SYT13: variants seen among roughly 807,000 people sequenced by gnomAD.
SYT13 encodes the protein synaptotagmin 13, also known as synaptotagmin-13.
A neutral mutation model predicts 38.6 loss-of-function variants in SYT13; 21 were observed. That is an observed-to-expected ratio of 0.54 (90% CI 0.39 to 0.78). The LOEUF is 0.78. SYT13 is among the 30% of genes least tolerant of loss of function. The pLI, the probability that SYT13 is intolerant of heterozygous loss-of-function variation, is 0.00. For missense variants in SYT13, 495 were observed against 548.7 expected (o/e 0.90, Z 0.98); for synonymous variants, 241 against 237.6 (o/e 1.01, Z -0.13).
chr11:45,264,047 G>A (rs1022626745), intron 1 of SYT13, among the ~76,000 whole-genome samples: 3 of 152,180 alleles, frequency 2.0e-5, no homozygotes, highest in Non-Finnish European at 2.9e-5. Context: ...TTGTGTGTAG[G>A]GACCAGTTGA....
At position 45,272,600 on chromosome 11, in the gene SYT13, G is replaced by T. The variant is rs530678748; in HGVS notation, c.183+13425C>A. Among the ~76,000 whole-genome samples the T allele has an allele frequency of 2.0e-5, 3 of 152,318 alleles. No homozygotes were observed. In the South Asian group the frequency reaches 6.2e-4, roughly 32 times the overall value. Reference sequence around the variant, plus strand: ...TTTTAAATGAGATGCAAACCTAATAGATTTCCTTCTGTGTTACATGGGCTG... The same window carrying T: ...TTTTAAATGAGATGCAAACCTAATATATTTCCTTCTGTGTTACATGGGCTG... On this transcript the variant is annotated intron_variant, in intron 1 of 5. Transcript: ENST00000020926.
At chr11:45,244,400 A>G in intron 5 of SYT13, 44 bp from the exon 6 acceptor site, 1 of 1,578,244 alleles carries the variant, frequency 6.3e-7, no homozygotes, top group Admixed American at 1.7e-5. Flanking sequence ...AGAAGGGACA[A>G]GAGTGAGTTT....
intron 1 of SYT13, among the ~76,000 whole-genome samples, chr11:45,259,546 C>T (rs1249736903): frequency 1.3e-5 from 2 of 152,104 alleles, no homozygotes; most frequent in Admixed American, 6.5e-5. Flanking sequence ...GCTTAAAATG[C>T]ACCCCTAGAG....
chr11:45,268,752 CA>C (rs1854914903), intron 1 of SYT13, among the ~76,000 whole-genome samples: 1 of 152,184 alleles, frequency 6.6e-6, no homozygotes, highest in Non-Finnish European at 1.5e-5. Flanking sequence ...GGTCTGTTGT[CA>C]TTCCCAGGTC....
At chr11:45,273,720 A>G (rs1854977253) in intron 1 of SYT13, among the ~76,000 whole-genome samples, 1 of 152,236 alleles carries the variant, frequency 6.6e-6, no homozygotes, top group Non-Finnish European at 1.5e-5. Context: ...GGTATGCAAG[A>G]CATATTTATT....
At chr11:45,275,233 C>A (rs78115491) in intron 1 of SYT13, among the ~76,000 whole-genome samples, 38 of 152,140 alleles carry the variant, frequency 2.5e-4, no homozygotes, top group Admixed American at 5.2e-4. Flanking sequence ...GCTCAACTTT[C>A]TGTGACAGAA....
chr11:45,262,721 T>TCACACACACACA (rs71451610), intron 1 of SYT13, among the ~76,000 whole-genome samples: 30 of 78,266 alleles, frequency 3.8e-4, no homozygotes, highest in Non-Finnish European at 8.2e-4. Flanking sequence ...GGAGATCCTA[T>TCACACACACACA]CACACACACA....
At chr11:45,268,292 G>A (rs576442521) in intron 1 of SYT13, among the ~76,000 whole-genome samples, 1 of 152,068 alleles carries the variant, frequency 6.6e-6, no homozygotes, top group East Asian at 1.9e-4. Context: ...CATTTCCAGT[G>A]GGGTAGACAG....
chr11:45,248,532 A>G lies in SYT13; in HGVS notation c.847-2020T>C, dbSNP rs143342992. Among the ~76,000 whole-genome samples, 882 of 152,322 alleles carry G rather than the reference A, an allele frequency of 5.8e-3. 14 individuals are homozygous for G. The highest frequency in any genetic ancestry group is 0.02 in the African/African-American group (846 of 41,564). ...GGAAAGGAGGTCCAGTCTGACAGCA[A>G]AACTTAAGTCCTGAATCCATGGCTC... On this transcript the variant is annotated intron_variant, in intron 4 of 5. Coordinates refer to ENST00000020926, the MANE Select transcript of SYT13 (RefSeq NM_020826.3).
intron 2 of SYT13, among the ~76,000 whole-genome samples, chr11:45,255,240 CA>C: frequency 6.6e-6 from 1 of 152,198 alleles, no homozygotes; most frequent in East Asian, 1.9e-4. Context: ...CTACACTTTA[CA>C]ACTCCCCTAC....
intron 1 of SYT13, 109 bp from the exon 2 acceptor site, chr11:45,256,000 G>T: frequency 1.7e-6 from 2 of 1,164,318 alleles, no homozygotes; most frequent in Non-Finnish European, 2.5e-6. Context: ...CAGAGGGAGA[G>T]TTGTGGTTTC....
intron 5 of SYT13, among the ~76,000 whole-genome samples, chr11:45,245,978 G>A (rs1854609359): frequency 6.6e-6 from 1 of 152,178 alleles, no homozygotes; most frequent in South Asian, 2.1e-4. Flanking sequence ...TGAAAGGTGG[G>A]TCCAGCCAGG....
In SYT13 at chr11:45,254,530, T is replaced by TC. The variant is rs1172884727; in HGVS notation, c.410-127dup. On this transcript the variant is annotated intron_variant, in intron 2 of 5. Transcript: ENST00000020926. ...CAAGTCTTCCCAGCTGTGTGCAGAA[T>TC]CACAGTGGCCACACCAAGACAACAG... 13 of 1,373,464 alleles carry TC rather than the reference T, an allele frequency of 9.5e-6. No individual in the cohort carries two copies. In the African/African-American group the frequency reaches 1.6e-4, roughly 17 times the overall value. The allele number at this position is 1,373,464 out of a possible 1,614,324, so 85.1% of individuals were successfully genotyped here. A position where few individuals can be genotyped will look rare whatever the true frequency, so the allele number is the denominator to read the frequency against.
intron 1 of SYT13, among the ~76,000 whole-genome samples, chr11:45,278,044 GA>G (rs1201846766): frequency 2.5e-4 from 38 of 152,266 alleles, no homozygotes; most frequent in African/African-American, 8.9e-4. Context: ...AAAGAGGGAG[GA>G]ACCCACCTTT....
chr11:45,268,138 G>T (rs977294798), intron 1 of SYT13, among the ~76,000 whole-genome samples: 2 of 152,124 alleles, frequency 1.3e-5, no homozygotes, highest in Non-Finnish European at 2.9e-5. Context: ...CTCCCAACCC[G>T]GCCAGGATGA....
rs896575832 is a variant in SYT13 at position 45,262,748 on chromosome 11, CACACACACACACACACACACAA to C, written c.184-6879_184-6858del. ...ACACACACACACACACACACACACACACACACACACACACACACACAAATTGAACTGTACACTTAAAAATGGT... is the reference window on the plus strand; with the variant it reads ...ACACACACACACACACACACACACACATTGAACTGTACACTTAAAAATGGT... On this transcript the variant is annotated intron_variant, in intron 1 of 5. Transcript: ENST00000020926. Among the ~76,000 whole-genome samples, 32 of 132,740 alleles carry C rather than the reference CACACACACACACACACACACAA, an allele frequency of 2.4e-4. No individual in the cohort carries two copies. In the South Asian group the frequency reaches 4.6e-3, roughly 19 times the overall value. The allele number at this position is 132,740 out of a possible 152,430, so 87.1% of individuals were successfully genotyped here. A position where few individuals can be genotyped will look rare whatever the true frequency, so the allele number is the denominator to read the frequency against.
In SYT13 at chr11:45,286,035, G is replaced by A; in HGVS notation, c.173C>T (p.Ser58Phe). ...LEKAKPSLLG[S>F]AQQFNVKKST... Reference sequence around the variant, plus strand: ...GCCGCCCCCGCTCACCTGTTGTGCAGACCCGAGCAAGCTGGGCTTCGCCTT... The same window carrying A: ...GCCGCCCCCGCTCACCTGTTGTGCAAACCCGAGCAAGCTGGGCTTCGCCTT... The change falls in exon 1 of 6, where the codon TCT (serine) becomes TTT (phenylalanine). Residue 58 changes from serine to phenylalanine, a missense_variant. Ser to Phe is a radical substitution (Grantham distance 155, BLOSUM62 -2). Transcript: ENST00000020926. The A allele has an allele frequency of 6.2e-7, 1 of 1,608,118 alleles. No homozygotes were observed. The highest frequency in any genetic ancestry group is 8.5e-7 in the Non-Finnish European group (1 of 1,179,558).
chr11:45,245,373 G>T (rs911319827), intron 5 of SYT13, among the ~76,000 whole-genome samples: 4 of 152,190 alleles, frequency 2.6e-5, no homozygotes, highest in African/African-American at 4.8e-5. Flanking sequence ...GTTGAGAGAC[G>T]AAGTGTTGTA....
rs1189632823 is a variant in SYT13, at chr11:45,243,864, C to T, written c.*188G>A. On this transcript the variant is annotated 3_prime_UTR_variant, in exon 6 of 6. Coordinates refer to ENST00000020926, the MANE Select transcript of SYT13 (RefSeq NM_020826.3). ...GCAAAATGCATTCCTCAGTGTGACC[C>T]GCATATTCCATTTCCTGCTCTGTCT... is the stretch of plus-strand genomic sequence containing the variant. 3 of 624,566 alleles carry T rather than the reference C, an allele frequency of 4.8e-6. No homozygotes were observed. The highest frequency in any genetic ancestry group is 1.8e-5 in the African/African-American group (1 of 54,562). The allele number at this position is 624,566 out of a possible 1,614,324, so 38.7% of individuals were successfully genotyped here.
Sources: allele counts gnomAD v4.1 joint callset (sites outside exome capture counted in the v4.1 genomes callset), GRCh38; gene constraint gnomAD v4.1.1; transcripts MANE v1.5; gene names NCBI Gene and HGNC (gene_info 2026-07-23, HGNC 2026-07-21).